ANK1: variants seen among roughly 807,000 people sequenced by gnomAD.
ANK1 encodes ankyrin 1.
ANK1 carries 51 observed loss-of-function variants against 210.4 expected under a neutral mutation model. The observed-to-expected ratio is 0.24, with a 90% CI of 0.19 to 0.31. ANK1 has a LOEUF of 0.31. ANK1 is among the 10% of genes least tolerant of loss of function. ANK1 has a pLI of 1.00. For synonymous variants in ANK1, 967 were observed against 1,025.9 expected, an observed-to-expected ratio of 0.94 and a Z score of 1.10; for missense variants, 2,051 against 2,504.4, an observed-to-expected ratio of 0.82 and a Z score of 3.86.
chr8:41,656,414 T>C (rs962193815), intron 42 of ANK1, among the ~76,000 whole-genome samples: 2 of 152,198 alleles, frequency 1.3e-5, no homozygotes, highest in Non-Finnish European at 2.9e-5. Context: ...GACAGAGATC[T>C]CTGAAAAGCA....
intron 14 of ANK1, 87 bp downstream of exon 14, chr8:41,715,565 G>C: frequency 1.3e-6 from 2 of 1,521,942 alleles, no homozygotes; most frequent in African/African-American, 1.4e-5. Flanking sequence ...AGGTGACAAA[G>C]AGAACCAGGC....
chr8:41,835,836 G>A (rs1156466160), intron 1 of ANK1, among the ~76,000 whole-genome samples: 1 of 152,248 alleles, frequency 6.6e-6, no homozygotes, highest in Non-Finnish European at 1.5e-5. Flanking sequence ...TGTCACCTGA[G>A]ATGGTTGTTC....
intron 17 of ANK1, among the ~76,000 whole-genome samples, chr8:41,706,783 A>G (rs774708303): frequency 3.1e-4 from 47 of 152,200 alleles, no homozygotes; most frequent in Non-Finnish European, 6.5e-4. Flanking sequence ...AGCACAGGTG[A>G]AGCACATTGA....
Position 41,714,204 on chromosome 8 carries a change from G to A in ANK1, c.1752C>T (p.Ile584=), listed in dbSNP as rs565147024. 1.8e-5 allele frequency: 27 copies of A among 1,502,872 alleles called. No individual in the cohort carries two copies. Among genetic ancestry groups the A allele is most frequent in the Admixed American group, 5.6e-5 (3 of 53,492 alleles). The allele number at this position is 1,502,872 out of a possible 1,614,324, so 93.1% of individuals were successfully genotyped here. Residue 584 remains isoleucine (I), a synonymous_variant, in exon 16 of 43, where the codon ATC becomes ATT. Transcript: ENST00000289734. ...CGCCCCGGGGAAGCAGCAGCTTGAC[G>A]ATGTCCAGGTTGTTGTGATGGACGG... ...HVAVHHNNLD[I]VKLLLPRGGS...
intron 1 of ANK1, among the ~76,000 whole-genome samples, chr8:41,887,948 G>A (rs1818743644): frequency 6.6e-6 from 1 of 152,214 alleles, no homozygotes; most frequent in South Asian, 2.1e-4. Context: ...CTGGCTTCTG[G>A]GTGGGACCAT....
At chr8:41,659,609 G>T (rs1229615547) in intron 42 of ANK1, among the ~76,000 whole-genome samples, 2 of 152,174 alleles carry the variant, frequency 1.3e-5, no homozygotes, top group Non-Finnish European at 2.9e-5. Flanking sequence ...TGGTTGGGAG[G>T]GTAGGGCATT....
chr8:41,826,574 GAAC>G (rs1805426087), intron 1 of ANK1, among the ~76,000 whole-genome samples: 1 of 152,068 alleles, frequency 6.6e-6, no homozygotes. Flanking sequence ...TCCAAATAAG[GAAC>G]AACATTTTCT....
intron 41 of ANK1, 68 bp from the exon 42 acceptor site, chr8:41,661,632 C>T (rs529699332): frequency 1.4e-5 from 23 of 1,608,996 alleles, no homozygotes; most frequent in African/African-American, 8.0e-5. Flanking sequence ...GGCAGAAGAT[C>T]GAAAGGAGGC....
intron 37 of ANK1, among the ~76,000 whole-genome samples, chr8:41,674,688 T>A (rs1188377054): frequency 6.6e-6 from 1 of 152,214 alleles, no homozygotes; most frequent in Non-Finnish European, 1.5e-5. Context: ...TGCATTCTCT[T>A]AATCTCCCAG....
intron 1 of ANK1, among the ~76,000 whole-genome samples, chr8:41,852,096 G>A (rs2150812244): frequency 6.6e-6 from 1 of 152,316 alleles, no homozygotes; most frequent in South Asian, 2.1e-4. Context: ...AGTAGTAGAT[G>A]GCTGAGCCCA....
chr8:41,882,243 A>T (rs1450449719), intron 1 of ANK1, among the ~76,000 whole-genome samples: 1 of 152,124 alleles, frequency 6.6e-6, no homozygotes, highest in Non-Finnish European at 1.5e-5. Flanking sequence ...ACTGAGCTCC[A>T]TGTAACACCA....
intron 33 of ANK1, among the ~76,000 whole-genome samples, chr8:41,689,178 G>A (rs951711695): frequency 2.0e-5 from 3 of 151,338 alleles, no homozygotes; most frequent in Admixed American, 6.6e-5. Context: ...AGTGCAGTGC[G>A]ATGGCACGAT....
chr8:41,734,216 C>T, intron 2 of ANK1, 147 bp from the exon 3 acceptor site: 1 of 765,782 alleles, frequency 1.3e-6, no homozygotes, highest in Non-Finnish European at 2.3e-6. Context: ...TTGGAAGGGG[C>T]ACAGGGCAGG....
chr8:41,846,105 T>C (rs969496346), intron 1 of ANK1, among the ~76,000 whole-genome samples: 2 of 152,242 alleles, frequency 1.3e-5, no homozygotes, highest in Non-Finnish European at 2.9e-5. Flanking sequence ...CTGCCTGCAC[T>C]GCACTGTGTC....
chr8:41,735,112 A>C (rs1833106983), intron 2 of ANK1, among the ~76,000 whole-genome samples: 1 of 152,158 alleles, frequency 6.6e-6, no homozygotes, highest in Admixed American at 6.5e-5. Flanking sequence ...TGAAGCTGCC[A>C]CTGTGCTTTA....
chr8:41,711,464 T>C (rs538671583), intron 16 of ANK1, among the ~76,000 whole-genome samples: 1 of 152,312 alleles, frequency 6.6e-6, no homozygotes, highest in East Asian at 1.9e-4. Flanking sequence ...CCAAAGGGAC[T>C]CTTTGTGACA....
intron 39 of ANK1, among the ~76,000 whole-genome samples, chr8:41,667,290 G>C (rs580901): frequency 0.78 from 118,339 of 152,038 alleles, 46,416 homozygotes; most frequent in Admixed American, 0.82. Context: ...GTCTAAGGTT[G>C]AGGTAGGAAA....
upstream of ANK1, among the ~76,000 whole-genome samples, chr8:41,801,635 CAT>C (rs1343701287): frequency 6.6e-6 from 1 of 152,200 alleles, no homozygotes; most frequent in Non-Finnish European, 1.5e-5. Flanking sequence ...CATCTTTTCA[CAT>C]GTTTATGGGC....
chr8:41,681,893 T>C (rs1292857340), intron 37 of ANK1, among the ~76,000 whole-genome samples: 3 of 152,278 alleles, frequency 2.0e-5, no homozygotes, highest in Non-Finnish European at 2.9e-5. Context: ...ATGAGTCTGC[T>C]GGGGCACAGA....
Sources: allele counts gnomAD v4.1 joint callset (sites outside exome capture counted in the v4.1 genomes callset), GRCh38; gene constraint gnomAD v4.1.1; transcripts MANE v1.5; gene names NCBI Gene and HGNC (gene_info 2026-07-23, HGNC 2026-07-21).